Variants in RAD51B observed in about 807,000 individuals in gnomAD.
RAD51B encodes DNA repair protein RAD51 homolog 2.
A neutral mutation model predicts 42.2 loss-of-function variants in RAD51B; 38 were observed. The ratio of observed to expected loss-of-function variants is 0.90; its 90% confidence interval spans 0.70 to 1.18. The LOEUF (loss-of-function observed/expected upper bound fraction) is 1.18. Ranked by LOEUF, RAD51B falls within the 50% of genes most tolerant of loss-of-function variation. The probability of loss-of-function intolerance (pLI) is 0.00; values close to 1 mark genes in which losing one functional copy is unlikely to be tolerated. For synonymous variants in RAD51B, 154 were observed against 145.2 expected (o/e 1.06, Z -0.43); for missense variants, 373 against 400.7 (o/e 0.93, Z 0.59).
At chr14:68,351,932 G>A (rs531628679) in intron 8 of RAD51B, among the ~76,000 whole-genome samples, 2 of 152,324 alleles carry the variant, frequency 1.3e-5, no homozygotes, top group Admixed American at 1.3e-4. Context: ...ATTGTCCATG[G>A]GGGATATTCT....
At chr14:67,823,915 TGAG>T (rs1197032896) in intron 2 of RAD51B, among the ~76,000 whole-genome samples, 1 of 152,312 alleles carries the variant, frequency 6.6e-6, no homozygotes, top group South Asian at 2.1e-4. Context: ...AGGACTCAAA[TGAG>T]GAGATACTAT....
chr14:67,992,339 A>C lies in RAD51B; in HGVS notation c.756+105135A>C, dbSNP rs1313109960. 2.0e-5 allele frequency among the ~76,000 whole-genome samples: 3 copies of C among 152,286 alleles called. No homozygotes were observed. The East Asian group carries it at 5.8e-4, about 29-fold the overall frequency. ...AGTGACAACCAATTGTTACATGAAG[A>C]TGGATTTTGACTCCATATAAAGAAT... On this transcript the variant is annotated intron_variant, in intron 7 of 10. Transcript: ENST00000471583.
intron 8 of RAD51B, among the ~76,000 whole-genome samples, chr14:68,409,693 T>C (rs966024367): frequency 1.3e-5 from 2 of 152,038 alleles, no homozygotes; most frequent in African/African-American, 4.8e-5. Flanking sequence ...CTGAGAGAGG[T>C]GAAGCCAGAG....
chr14:67,962,083 CAG>C (rs1292281980), intron 7 of RAD51B, among the ~76,000 whole-genome samples: 7 of 152,180 alleles, frequency 4.6e-5, no homozygotes, highest in Middle Eastern at 6.8e-3. Flanking sequence ...GCAAAACTAA[CAG>C]ATGATATAGA....
chr14:68,486,777 C>A (rs1883656871), intron 10 of RAD51B, among the ~76,000 whole-genome samples: 1 of 152,222 alleles, frequency 6.6e-6, no homozygotes, highest in South Asian at 2.1e-4. Context: ...GCCCACACCT[C>A]AACTCCAAAG....
intron 7 of RAD51B, among the ~76,000 whole-genome samples, chr14:68,095,474 G>T (rs181885315): frequency 2.6e-4 from 39 of 152,024 alleles, no homozygotes; most frequent in African/African-American, 8.4e-4. Context: ...GAAAAAAAAA[G>T]AAGTCTTTCT....
intron 7 of RAD51B, among the ~76,000 whole-genome samples, chr14:68,241,542 A>T (rs1351136577): frequency 6.6e-6 from 1 of 152,242 alleles, no homozygotes; most frequent in Non-Finnish European, 1.5e-5. Context: ...CTCCGTCTCA[A>T]AATATAAAAA....
intron 7 of RAD51B, among the ~76,000 whole-genome samples, chr14:68,259,351 A>C (rs2080828957): frequency 6.6e-6 from 1 of 152,124 alleles, no homozygotes; most frequent in Non-Finnish European, 1.5e-5. Flanking sequence ...ACCTAATGCT[A>C]AATGAGGAGT....
chr14:68,443,963 C>T (rs1375634970), intron 9 of RAD51B, among the ~76,000 whole-genome samples: 1 of 152,112 alleles, frequency 6.6e-6, no homozygotes, highest in East Asian at 1.9e-4. Context: ...CTTTTCTTTA[C>T]TCATAAAGCA....
At chr14:68,338,475 T>C (rs1371178924) in intron 8 of RAD51B, among the ~76,000 whole-genome samples, 1 of 152,198 alleles carries the variant, frequency 6.6e-6, no homozygotes, top group Non-Finnish European at 1.5e-5. Context: ...CCAGGGAGAC[T>C]AGCATCAATG....
chr14:68,090,370 A>G (rs2077070379), intron 7 of RAD51B, among the ~76,000 whole-genome samples: 1 of 152,362 alleles, frequency 6.6e-6, no homozygotes, highest in African/African-American at 2.4e-5. Context: ...TCATAGTTAC[A>G]GTAACAGGTT....
At chr14:67,893,507 C>CAAA (rs1380063620) in intron 7 of RAD51B, among the ~76,000 whole-genome samples, 11 of 75,388 alleles carry the variant, frequency 1.5e-4, no homozygotes, top group African/African-American at 5.7e-4. Context: ...CACACACACA[C>CAAA]ACAAAAAAAA....
At chr14:67,893,493 CA>C (rs2043289935) in intron 7 of RAD51B, among the ~76,000 whole-genome samples, 1 of 81,154 alleles carries the variant, frequency 1.2e-5, no homozygotes, top group African/African-American at 6.1e-5. Flanking sequence ...CACACACACA[CA>C]CACACACACA....
At chr14:67,935,572 G>T (rs1414342023) in intron 7 of RAD51B, among the ~76,000 whole-genome samples, 1 of 152,062 alleles carries the variant, frequency 6.6e-6, no homozygotes, top group Non-Finnish European at 1.5e-5. Context: ...TTGCTGTGTT[G>T]CCCAGGCTAG....
At chr14:68,596,852 T>C (rs1389684932), downstream of RAD51B, among the ~76,000 whole-genome samples, 3 of 152,228 alleles carry the variant, frequency 2.0e-5, no homozygotes, top group Non-Finnish European at 4.4e-5. Flanking sequence ...GGGGCAGACA[T>C]TGGCAACACA....
chr14:68,143,447 A>G (rs557798582), intron 7 of RAD51B, among the ~76,000 whole-genome samples: 2 of 152,346 alleles, frequency 1.3e-5, no homozygotes, highest in African/African-American at 4.8e-5. Context: ...GCGGCCAAAC[A>G]TGAAAATGGT....
chr14:68,300,082 C>CT (rs995406495), intron 8 of RAD51B, among the ~76,000 whole-genome samples: 62 of 152,254 alleles, frequency 4.1e-4, no homozygotes, highest in African/African-American at 1.5e-3. Flanking sequence ...GGACAGATTC[C>CT]TTTTGAAGGG....
intron 3 of RAD51B, among the ~76,000 whole-genome samples, chr14:67,828,528 G>A (rs1043091829): frequency 3.3e-5 from 5 of 151,844 alleles, no homozygotes; most frequent in South Asian, 2.1e-4. Flanking sequence ...ATTACTTTTG[G>A]CATTTTTGTC....
At chr14:67,975,871 A>C (rs193089727) in intron 7 of RAD51B, among the ~76,000 whole-genome samples, 13 of 152,200 alleles carry the variant, frequency 8.5e-5, no homozygotes, top group Non-Finnish European at 1.6e-4. Flanking sequence ...CTTTAGGGTA[A>C]ACTTGATTTA....
Sources: gnomAD v4.1 joint callset for allele counts (sites outside exome capture counted in the v4.1 genomes callset) on GRCh38, gnomAD v4.1.1 for gene constraint, MANE v1.5 for transcripts, NCBI Gene and HGNC (gene_info 2026-07-23, HGNC 2026-07-21) for gene names.